ATP6V1C2: variants seen among roughly 807,000 people sequenced by gnomAD.
ATP6V1C2 encodes the protein V-type proton ATPase subunit C 2.
Under a neutral mutation model 56.8 loss-of-function variants are expected in ATP6V1C2, and 45 were observed. The observed-to-expected ratio is 0.79, with a 90% CI of 0.62 to 1.02. The LOEUF (loss-of-function observed/expected upper bound fraction) is 1.02. ATP6V1C2 is among the 50% of genes least tolerant of loss of function. The probability of loss-of-function intolerance (pLI) is 0.00; values close to 1 mark genes in which losing one functional copy is unlikely to be tolerated. For missense variants in ATP6V1C2, 463 were observed against 519.7 expected (o/e 0.89, Z 1.06); for synonymous variants, 220 against 201.3 (o/e 1.09, Z -0.79).
At chr2:10,743,225 A>T (rs1662664606) in intron 3 of ATP6V1C2, among the ~76,000 whole-genome samples, 1 of 151,996 alleles carries the variant, frequency 6.6e-6, no homozygotes, top group African/African-American at 2.4e-5. Context: ...AGTTGCTGGG[A>T]CTACAGGCAC....
rs1428464277 is a variant in ATP6V1C2, at chr2:10,726,522, G to C, written c.150G>C (p.Leu50=). 1 of 1,613,972 alleles carries C rather than the reference G, an allele frequency of 6.2e-7. No individual in the cohort carries two copies. The highest frequency in any genetic ancestry group is 1.3e-5 in the African/African-American group (1 of 75,032). ...TCTAGGTGGGGACCTTGGATTCCCT[G>C]GTTGGCCTCTCTGATGAGTTGGGGA... The part of the protein sequence containing the change: ...PDFKVGTLDS[L]VGLSDELGKL... Residue 50 remains leucine, a synonymous_variant, in exon 3 of 14, where the codon CTG becomes CTC. Coordinates refer to ENST00000272238, the MANE Select transcript of ATP6V1C2 (RefSeq NM_001039362.2).
chr2:10,729,295 C>T (rs1661830827), intron 3 of ATP6V1C2, among the ~76,000 whole-genome samples: 1 of 151,810 alleles, frequency 6.6e-6, no homozygotes, highest in Admixed American at 6.6e-5. Context: ...TCCCGAGTAG[C>T]TGGGATTACA....
intron 2 of ATP6V1C2, among the ~76,000 whole-genome samples, chr2:10,723,708 G>A (rs1661482209): frequency 6.6e-6 from 1 of 151,804 alleles, no homozygotes; most frequent in South Asian, 2.1e-4. Flanking sequence ...GCATGGTGGC[G>A]AGCGCCTGTA....
intron 8 of ATP6V1C2, 95 bp from the exon 9 acceptor site, chr2:10,774,692 AC>A: frequency 9.9e-7 from 1 of 1,009,820 alleles, no homozygotes; most frequent in Non-Finnish European, 1.5e-6. Context: ...GCTGCCATGG[AC>A]CCCAGGTGCA....
intron 4 of ATP6V1C2, among the ~76,000 whole-genome samples, chr2:10,759,611 C>T (rs922570166): frequency 6.6e-6 from 1 of 152,134 alleles, no homozygotes; most frequent in African/African-American, 2.4e-5. Flanking sequence ...GCTTTAGTGA[C>T]TGCACCCCAG....
intron 3 of ATP6V1C2, among the ~76,000 whole-genome samples, chr2:10,729,990 A>G (rs1382901794): frequency 6.6e-6 from 1 of 152,018 alleles, no homozygotes; most frequent in Non-Finnish European, 1.5e-5. Context: ...ACCCCTTAAC[A>G]TTTGTGAAAC....
At chr2:10,778,247 T>TCCCTGGCTGCACAGTGTCAGGCAGAAGC (rs1665124951) in intron 11 of ATP6V1C2, among the ~76,000 whole-genome samples, 1 of 152,172 alleles carries the variant, frequency 6.6e-6, no homozygotes, top group African/African-American at 2.4e-5. Context: ...GAAGGTGGGC[T>TCCCTGGCTGCACAGTGTCAGGCAGAAGC]CCCTGGCTGC....
chr2:10,774,838 G>C lies in ATP6V1C2; in HGVS notation c.689G>C (p.Arg230Pro). The C allele has an allele frequency of 6.2e-7, 1 of 1,614,196 alleles. No individual in the cohort carries two copies. Among genetic ancestry groups the C allele is most frequent in the Non-Finnish European group, 8.5e-7 (1 of 1,180,040 alleles). ...EGGLFTVTLF[R>P]KVIEDFKTKA... ...GGCCTTTTCACTGTGACTCTGTTTCGAAAAGTGATTGAAGATTTCAAAACC... is the reference window on the plus strand; with the variant it reads ...GGCCTTTTCACTGTGACTCTGTTTCCAAAAGTGATTGAAGATTTCAAAACC... Residue 230 changes from arginine to proline, a missense_variant, in exon 9 of 14, where the codon CGA (arginine) becomes CCA (proline). Physicochemically the swap from Arg to Pro is moderately radical, Grantham distance 103 (BLOSUM62 -2). Transcript: ENST00000272238.
chr2:10,743,928 G>A (rs888516164), intron 3 of ATP6V1C2, among the ~76,000 whole-genome samples: 3 of 150,708 alleles, frequency 2.0e-5, no homozygotes, highest in Admixed American at 1.3e-4. Context: ...AGGTTGCAGT[G>A]AGCCAAGATT....
At chr2:10,777,195 C>CTGTGGCTGGGCATGG (rs1432602897) in intron 10 of ATP6V1C2, among the ~76,000 whole-genome samples, 2 of 152,226 alleles carry the variant, frequency 1.3e-5, no homozygotes, top group African/African-American at 4.8e-5. Flanking sequence ...AGGAAGGCAT[C>CTGTGGCTGGGCATGG]TGTGGCTGGG....
In ATP6V1C2 at chr2:10,784,647, A is replaced by G. The variant is rs981114818; in HGVS notation, c.*1384A>G. 6.1e-5 allele frequency: 31 copies of G among 506,860 alleles called. No homozygotes were observed. Among genetic ancestry groups the G allele is most frequent in the Non-Finnish European group, 9.0e-5 (26 of 289,350 alleles). The allele number at this position is 506,860 out of a possible 1,614,324, so 31.4% of individuals were successfully genotyped here. On this transcript the variant is annotated 3_prime_UTR_variant, in exon 14 of 14. Coordinates refer to ENST00000272238, the MANE Select transcript of ATP6V1C2 (RefSeq NM_001039362.2). Reference sequence around the variant, plus strand: ...AGCTATCATTTTCTATTTTTCTAAGATAAAGTAAATGAATTCCAGGTTAAA... The same window carrying G: ...AGCTATCATTTTCTATTTTTCTAAGGTAAAGTAAATGAATTCCAGGTTAAA...
intron 13 of ATP6V1C2, among the ~76,000 whole-genome samples, chr2:10,782,893 A>C (rs1018866361): frequency 3.3e-5 from 5 of 149,426 alleles, no homozygotes; most frequent in African/African-American, 4.9e-5. Context: ...CATGCCTGTA[A>C]TCCCAGCTAC....
chr2:10,735,173 C>T (rs1387301684), intron 3 of ATP6V1C2, among the ~76,000 whole-genome samples: 2 of 152,118 alleles, frequency 1.3e-5, no homozygotes, highest in East Asian at 3.9e-4. Context: ...AATGTGGTGA[C>T]TAGACCTTTT....
intron 3 of ATP6V1C2, among the ~76,000 whole-genome samples, chr2:10,747,084 C>A (rs988662991): frequency 1.3e-5 from 2 of 152,106 alleles, no homozygotes; most frequent in African/African-American, 2.4e-5. Flanking sequence ...GCCTGACCAA[C>A]ATGAAGAAAC....
intron 3 of ATP6V1C2, among the ~76,000 whole-genome samples, chr2:10,736,689 A>AT (rs1007154369): frequency 2.4e-4 from 34 of 140,396 alleles, no homozygotes; most frequent in East Asian, 6.4e-4. Context: ...TGCTTAGTTC[A>AT]TTTTTTTTTG....
chr2:10,741,549 C>G (rs1463086684), intron 3 of ATP6V1C2, among the ~76,000 whole-genome samples: 1 of 152,164 alleles, frequency 6.6e-6, no homozygotes, highest in African/African-American at 2.4e-5. Context: ...GGTACTCTGA[C>G]AGTGGCCGGG....
rs112114295 is a variant in ATP6V1C2, at chr2:10,736,844, T to C, written c.197+10275T>C. 6.7e-4 allele frequency among the ~76,000 whole-genome samples: 94 copies of C among 140,094 alleles called. 1 individual carries two copies. The highest frequency in any genetic ancestry group is 2.4e-3 in the African/African-American group (89 of 37,398). 91.9% of individuals were successfully genotyped at this position (140,094 alleles called of 152,430 possible). Reference sequence around the variant, plus strand: ...TTCTGACAAGCTCGAACTCCTGGGCTCAAGCCATCCTCCTGCCTCAGACTC... The same window carrying C: ...TTCTGACAAGCTCGAACTCCTGGGCCCAAGCCATCCTCCTGCCTCAGACTC... On this transcript the variant is annotated intron_variant, in intron 3 of 13. Transcript: ENST00000272238.
chr2:10,751,519 G>C (rs1663213068), intron 3 of ATP6V1C2, among the ~76,000 whole-genome samples: 1 of 152,180 alleles, frequency 6.6e-6, no homozygotes, highest in South Asian at 2.1e-4. Context: ...ATTAACTACT[G>C]TTCTAAGAAA....
At chr2:10,722,714 A>G (rs964064254) in intron 1 of ATP6V1C2, 110 bp from the exon 2 acceptor site, 1 of 1,227,382 alleles carries the variant, frequency 8.1e-7, no homozygotes, top group African/African-American at 1.5e-5. Flanking sequence ...ATGTCCTTGG[A>G]GCTCATCCTA....
Sources: gnomAD v4.1 joint callset for allele counts (sites outside exome capture counted in the v4.1 genomes callset) on GRCh38, gnomAD v4.1.1 for gene constraint, MANE v1.5 for transcripts, NCBI Gene and HGNC (gene_info 2026-07-23, HGNC 2026-07-21) for gene names.